CCL28: variants seen among roughly 807,000 people sequenced by gnomAD.
The protein encoded by CCL28 is C-C motif chemokine 28.
Under a neutral mutation model 7.1 loss-of-function variants are expected in CCL28, and 4 were observed. That is an observed-to-expected ratio of 0.56 (90% confidence interval 0.28 to 1.29). The LOEUF (loss-of-function observed/expected upper bound fraction) is 1.29. Among genes scored for constraint, CCL28 ranks in the 50% most tolerant of loss-of-function variants. The pLI is 0.11. For synonymous variants in CCL28, 55 were observed against 57.8 expected (o/e 0.95, Z 0.22); for missense variants, 151 against 163.4 (o/e 0.92, Z 0.41).
intron 1 of CCL28, among the ~76,000 whole-genome samples, chr5:43,389,289 G>C (rs1283139637): frequency 2.0e-5 from 3 of 152,184 alleles, no homozygotes; most frequent in Non-Finnish European, 4.4e-5. Flanking sequence ...AGAATTTTAT[G>C]GTTTGTGAAT....
chr5:43,363,199 A>G, the CCL28 span, among the ~76,000 whole-genome samples: 1 of 152,126 alleles, frequency 6.6e-6, no homozygotes, highest in African/African-American at 2.4e-5. Context: ...CATGGTTGCT[A>G]TGGTTGCTGT....
intron 2 of CCL28, among the ~76,000 whole-genome samples, chr5:43,383,394 C>T (rs1279571486): frequency 4.6e-5 from 7 of 151,958 alleles, no homozygotes; most frequent in South Asian, 2.1e-4. Flanking sequence ...TTCTAGATGA[C>T]GCAAGTTGAA....
At chr5:43,375,458 TAA>T (rs56289620), downstream of CCL28, among the ~76,000 whole-genome samples, 52 of 32,740 alleles carry the variant, frequency 1.6e-3, no homozygotes, top group Admixed American at 5.4e-3. Context: ...GACAGAAAGC[TAA>T]AAAAAAAAAA....
At chr5:43,398,581 T>G (rs13164705) in intron 1 of CCL28, among the ~76,000 whole-genome samples, 1,915 of 152,340 alleles carry the variant, frequency 0.013, 38 homozygotes, top group East Asian at 0.084. Context: ...CTGGGCACAG[T>G]GGCTCATGCC....
chr5:43,370,512 G>T, the CCL28 span, among the ~76,000 whole-genome samples: 5 of 151,996 alleles, frequency 3.3e-5, no homozygotes, highest in African/African-American at 1.2e-4. Flanking sequence ...GGAATTTATG[G>T]CACCTGGGTT....
At chr5:43,372,595 C>T (rs1418276249), downstream of CCL28, among the ~76,000 whole-genome samples, 1 of 152,058 alleles carries the variant, frequency 6.6e-6, no homozygotes, top group Middle Eastern at 3.2e-3. Context: ...TCTCAAACTC[C>T]TGACCTCAAC....
Position 43,398,829 on chromosome 5 carries a change from G to A in CCL28, c.65-10353C>T, listed in dbSNP as rs550731311. 6.1e-5 allele frequency among the ~76,000 whole-genome samples: 9 copies of A among 148,212 alleles called. No homozygotes were observed. The South Asian group carries it at 1.1e-3, about 18-fold the overall frequency. ...TGTGCCACTGCACTCCAGCCTGGGCGACAGAGAGGGACTCCATCTCAAAAA... is the reference window on the plus strand; with the variant it reads ...TGTGCCACTGCACTCCAGCCTGGGCAACAGAGAGGGACTCCATCTCAAAAA... On this transcript the variant is annotated intron_variant, in intron 1 of 2. Coordinates refer to ENST00000361115, the MANE Select transcript of CCL28 (RefSeq NM_148672.3).
At chr5:43,397,218 G>A (rs914996696) in intron 1 of CCL28, 1 of 152,278 alleles carries the variant, frequency 6.6e-6, no homozygotes, top group African/African-American at 2.4e-5. Context: ...GCCTGGACCC[G>A]GGGGAGCCGG....
At chr5:43,389,371 C>T (rs1169209055) in intron 1 of CCL28, among the ~76,000 whole-genome samples, 1 of 152,038 alleles carries the variant, frequency 6.6e-6, no homozygotes, top group Non-Finnish European at 1.5e-5. Context: ...TGCTGTGCTG[C>T]CTAAGTCAAA....
downstream of CCL28, chr5:43,376,876 C>A (rs1158964500): frequency 6.6e-6 from 1 of 152,160 alleles, no homozygotes; most frequent in Non-Finnish European, 1.5e-5. Flanking sequence ...GTAGTTTCAT[C>A]AGTATGCAGG....
In CCL28 at chr5:43,381,803, C is replaced by G. The variant is rs905704035; in HGVS notation, c.*57G>C. The G allele has an allele frequency of 3.6e-6, 5 of 1,394,944 alleles. No individual in the cohort carries two copies. Among genetic ancestry groups the G allele is most frequent in the East Asian group, 4.6e-5 (2 of 43,308 alleles). The allele number at this position is 1,394,944 out of a possible 1,614,324, so 86.4% of individuals were successfully genotyped here. On this transcript the variant is annotated 3_prime_UTR_variant, in exon 3 of 3. Transcript: ENST00000361115. ...GAGAATTCAGATGATAAACTTACAA[C>G]CAATCATGGCCAAGTCCACTTGAGG...
chr5:43,409,708 G>T (rs548328348), intron 1 of CCL28, among the ~76,000 whole-genome samples: 1 of 152,212 alleles, frequency 6.6e-6, no homozygotes, highest in Admixed American at 6.5e-5. Context: ...GGCAATTTGG[G>T]ACTCACTGCA....
downstream of CCL28, among the ~76,000 whole-genome samples, chr5:43,372,965 T>G (rs929460694): frequency 1.3e-5 from 2 of 151,178 alleles, no homozygotes; most frequent in African/African-American, 4.9e-5. Flanking sequence ...CACGCCCGGC[T>G]AATTTTTGTA....
intron 1 of CCL28, among the ~76,000 whole-genome samples, chr5:43,400,476 C>T (rs563833004): frequency 4.1e-4 from 63 of 152,236 alleles, no homozygotes; most frequent in Non-Finnish European, 6.2e-4. Flanking sequence ...TGATCCACTG[C>T]GCCTGGCAGA....
At chr5:43,357,367 A>G in the CCL28 span, among the ~76,000 whole-genome samples, 4 of 152,338 alleles carry the variant, frequency 2.6e-5, no homozygotes, top group East Asian at 7.7e-4. Context: ...ATTGGGGCCA[A>G]TGATTCAGTA....
At chr5:43,370,380 G>A in the CCL28 span, among the ~76,000 whole-genome samples, 40 of 151,202 alleles carry the variant, frequency 2.6e-4, no homozygotes, top group Admixed American at 1.1e-3. Context: ...GCATATCAAT[G>A]CACAGACAAT....
downstream of CCL28, among the ~76,000 whole-genome samples, chr5:43,374,473 T>A (rs1046601923): frequency 2.0e-5 from 3 of 152,208 alleles, no homozygotes; most frequent in African/African-American, 4.8e-5. Context: ...CATAGTTCTA[T>A]TTATTCTGTG....
chr5:43,409,504 G>C (rs887939457), intron 1 of CCL28, among the ~76,000 whole-genome samples: 2 of 151,990 alleles, frequency 1.3e-5, no homozygotes, highest in Non-Finnish European at 2.9e-5. Context: ...GACCTCTTAG[G>C]GACCACAATT....
chr5:43,391,886 T>C (rs1480912650), intron 1 of CCL28, among the ~76,000 whole-genome samples: 1 of 152,194 alleles, frequency 6.6e-6, no homozygotes, highest in Non-Finnish European at 1.5e-5. Context: ...GGCCAAGAAA[T>C]AAATAGTGGG....
Sources: gnomAD v4.1 joint callset for allele counts (sites outside exome capture counted in the v4.1 genomes callset) on GRCh38, gnomAD v4.1.1 for gene constraint, MANE v1.5 for transcripts, NCBI Gene and HGNC (gene_info 2026-07-23, HGNC 2026-07-21) for gene names.